Variants in HIP1 observed in about 807,000 individuals in gnomAD.
The protein encoded by HIP1 is huntingtin-interacting protein 1.
Under a neutral mutation model 147.6 loss-of-function variants are expected in HIP1, and 65 were observed. The observed-to-expected ratio is 0.44, with a 90% CI of 0.36 to 0.54. The LOEUF is 0.54. Among genes scored for constraint, HIP1 ranks in the 20% least tolerant of loss-of-function variants. HIP1 has a pLI of 0.00. For synonymous variants in HIP1, 479 were observed against 504.0 expected (o/e 0.95, Z 0.67); for missense variants, 1,061 against 1,299.6 (o/e 0.82, Z 2.82).
intron 9 of HIP1, among the ~76,000 whole-genome samples, chr7:75,567,795 C>T (rs1052742280): frequency 1.4e-5 from 2 of 146,468 alleles, no homozygotes; most frequent in African/African-American, 5.5e-5. Context: ...GATAACCTCA[C>T]GCCCACAAGT....
At chr7:75,661,923 G>A (rs1264332397) in intron 1 of HIP1, among the ~76,000 whole-genome samples, 1 of 152,072 alleles carries the variant, frequency 6.6e-6, no homozygotes, top group Non-Finnish European at 1.5e-5. Context: ...AGGCAATCAG[G>A]CTTTTAAGGA....
At chr7:75,661,572 CAAA>C (rs61482074) in intron 1 of HIP1, among the ~76,000 whole-genome samples, 3 of 46,904 alleles carry the variant, frequency 6.4e-5, no homozygotes, top group Non-Finnish European at 8.3e-5. Flanking sequence ...GACTCCATCT[CAAA>C]AAAAAAAAAA....
intron 5 of HIP1, among the ~76,000 whole-genome samples, chr7:75,586,550 G>A (rs1431151591): frequency 6.6e-6 from 1 of 152,066 alleles, no homozygotes; most frequent in Non-Finnish European, 1.5e-5. Flanking sequence ...CAGAAGACAC[G>A]GGCCAAAATC....
intron 1 of HIP1, among the ~76,000 whole-genome samples, chr7:75,610,455 C>T (rs149844666): frequency 6.6e-6 from 1 of 151,980 alleles, no homozygotes; most frequent in East Asian, 1.9e-4. Context: ...AGTGACCCTC[C>T]CCCAACAGCC....
chr7:75,620,595 AG>A (rs1190068591), intron 1 of HIP1, among the ~76,000 whole-genome samples: 1 of 152,154 alleles, frequency 6.6e-6, no homozygotes, highest in Non-Finnish European at 1.5e-5. Flanking sequence ...CTGAGGAACA[AG>A]AATTGCTTGA....
chr7:75,642,534 C>A (rs1466504245), intron 1 of HIP1, among the ~76,000 whole-genome samples: 2 of 151,042 alleles, frequency 1.3e-5, no homozygotes, highest in South Asian at 4.2e-4. Flanking sequence ...GACTCTGTCT[C>A]AAAACAAAAC....
chr7:75,700,157 G>A (rs1457996136), intron 1 of HIP1, among the ~76,000 whole-genome samples: 7 of 152,102 alleles, frequency 4.6e-5, no homozygotes, highest in African/African-American at 1.2e-4. Flanking sequence ...GGCCGGCACC[G>A]AGTTCTTGAA....
chr7:75,595,194 TTC>T (rs1418169516), intron 2 of HIP1, among the ~76,000 whole-genome samples: 6 of 43,624 alleles, frequency 1.4e-4, no homozygotes, highest in African/African-American at 4.3e-4. Flanking sequence ...AGTCCTTTCT[TTC>T]TTTCTTTCTT....
At chr7:75,658,511 C>A (rs1554513110) in intron 1 of HIP1, among the ~76,000 whole-genome samples, 3 of 152,110 alleles carry the variant, frequency 2.0e-5, no homozygotes, top group African/African-American at 4.8e-5. Context: ...AATGTCCTCC[C>A]AGCAGCTGAA....
In HIP1 at chr7:75,534,968, C is replaced by T. The variant is rs1046781598; in HGVS notation, c.*3204G>A. ...ATTTTTAGCTTTAAGATGTGATTCC[C>T]GTTTTAATCCAAGGTGTGTCATTAA... On this transcript the variant is annotated 3_prime_UTR_variant, in exon 31 of 31. Coordinates refer to ENST00000336926, the MANE Select transcript of HIP1 (RefSeq NM_005338.7). 3 of 206,536 alleles carry T rather than the reference C, an allele frequency of 1.5e-5. No homozygotes were observed. Among genetic ancestry groups the T allele is most frequent in the South Asian group, 1.9e-4 (1 of 5,250 alleles). The allele number at this position is 206,536 out of a possible 1,614,324, so 12.8% of individuals were successfully genotyped here.
chr7:75,695,577 G>T (rs1399949859), intron 1 of HIP1, among the ~76,000 whole-genome samples: 1 of 148,904 alleles, frequency 6.7e-6, no homozygotes, highest in South Asian at 2.1e-4. Context: ...AGTTTTTTTT[G>T]TTGTTGTCTG....
chr7:75,621,322 G>T (rs1554507078), intron 1 of HIP1, among the ~76,000 whole-genome samples: 2 of 152,186 alleles, frequency 1.3e-5, no homozygotes, highest in Admixed American at 6.5e-5. Context: ...AGAGCCGGAA[G>T]TCAGGGGCAG....
chr7:75,689,652 G>A (rs1283974572), intron 1 of HIP1, among the ~76,000 whole-genome samples: 3 of 152,100 alleles, frequency 2.0e-5, no homozygotes, highest in African/African-American at 7.2e-5. Flanking sequence ...TCAAGGACAC[G>A]CTCCTTGGAG....
At chr7:75,566,365 C>T (rs868936395) in intron 9 of HIP1, among the ~76,000 whole-genome samples, 4 of 151,478 alleles carry the variant, frequency 2.6e-5, no homozygotes, top group Admixed American at 1.3e-4. Context: ...CAGCCAGCAG[C>T]GGAGGTCCTG....
intron 13 of HIP1, among the ~76,000 whole-genome samples, chr7:75,560,353 A>G (rs943923828): frequency 6.6e-6 from 1 of 151,844 alleles, no homozygotes. Context: ...GGCTCAAGAG[A>G]TCCTCTAGCT....
Position 75,595,187 on chromosome 7 carries a change from CCTTTCTTTCTTTCTTT to C in HIP1, c.185-2689_185-2674del, listed in dbSNP as rs587760351. Among the ~76,000 whole-genome samples the C allele has an allele frequency of 4.2e-3, 460 of 108,436 alleles. 1 individual carries two copies. Among genetic ancestry groups the C allele is most frequent in the Non-Finnish European group, 6.4e-3 (316 of 49,696 alleles). The allele number at this position is 108,436 out of a possible 152,430, so 71.1% of individuals were successfully genotyped here. On this transcript the variant is annotated intron_variant, in intron 2 of 30. Coordinates refer to ENST00000336926, the MANE Select transcript of HIP1 (RefSeq NM_005338.7). Reference sequence around the variant, plus strand: ...TAAAATCAGCTTTTGGTGTAGGAGTCCTTTCTTTCTTTCTTTCTTTCTTTCTTTCTTTCTTTCTTTC... The same window carrying C: ...TAAAATCAGCTTTTGGTGTAGGAGTCCTTTCTTTCTTTCTTTCTTTCTTTC...
chr7:75,544,739 G>A lies in HIP1; in HGVS notation c.2722C>T (p.His908Tyr), dbSNP rs374329154. 2.5e-6 allele frequency: 4 copies of A among 1,613,772 alleles called. No individual in the cohort carries two copies. In the African/African-American group the frequency reaches 5.3e-5, roughly 22 times the overall value. Residue 908 changes from histidine to tyrosine, a missense_variant, in exon 27 of 31, where the codon CAT (histidine) becomes TAT (tyrosine). By Grantham distance (83) the His-to-Tyr change is moderately conservative. This residue lies in a region of HIP1 where 810 missense variants were observed against 946.8 expected (regional missense o/e 0.86). Coordinates refer to ENST00000336926, the MANE Select transcript of HIP1 (RefSeq NM_005338.7). The part of the protein sequence containing the change: ...GKFEELMVCS[H>Y]EIAASTAQLV... ...TGGGCTGTGCTAGCAGCAATTTCATGAGAACACACCATTAGCTCCTCAAAT... is the reference window on the plus strand; with the variant it reads ...TGGGCTGTGCTAGCAGCAATTTCATAAGAACACACCATTAGCTCCTCAAAT...
intron 1 of HIP1, among the ~76,000 whole-genome samples, chr7:75,671,187 G>A (rs372926775): frequency 1.1e-4 from 16 of 152,024 alleles, no homozygotes; most frequent in East Asian, 5.8e-4. Flanking sequence ...TCCCCCTCCC[G>A]GGTTCGAGTG....
At chr7:75,603,366 C>G (rs1797084273) in intron 1 of HIP1, among the ~76,000 whole-genome samples, 1 of 148,964 alleles carries the variant, frequency 6.7e-6, no homozygotes, top group African/African-American at 2.5e-5. Context: ...AAAAATGGAG[C>G]CTTTCCTAGA....
Sources: gnomAD v4.1 joint callset for allele counts (sites outside exome capture counted in the v4.1 genomes callset) on GRCh38, gnomAD v4.1.1 for gene constraint, gnomAD v4.1.1 regional missense constraint, MANE v1.5 for transcripts, NCBI Gene and HGNC (gene_info 2026-07-23, HGNC 2026-07-21) for gene names.